Variants in GLT1D1 observed in about 807,000 individuals in gnomAD.
The protein encoded by GLT1D1 is glycosyltransferase 1 domain containing 1.
GLT1D1 carries 21 observed loss-of-function variants against 28.7 expected under a neutral mutation model. The observed-to-expected ratio is 0.73, with a 90% CI of 0.52 to 1.05. The LOEUF is 1.05. GLT1D1 is among the 50% of genes least tolerant of loss of function. The probability of loss-of-function intolerance (pLI) is 0.00; values close to 1 mark genes in which losing one functional copy is unlikely to be tolerated. For missense variants in GLT1D1, 343 were observed against 330.6 expected, an observed-to-expected ratio of 1.04 and a Z score of -0.29; for synonymous variants, 147 against 124.8, an observed-to-expected ratio of 1.18 and a Z score of -1.19.
chr12:128,927,802 C>T (rs1873385725), intron 4 of GLT1D1, among the ~76,000 whole-genome samples: 1 of 150,940 alleles, frequency 6.6e-6, no homozygotes, highest in African/African-American at 2.4e-5. Flanking sequence ...AGTCGGAGAC[C>T]AGCCTGGACA....
intron 6 of GLT1D1, among the ~76,000 whole-genome samples, chr12:128,953,468 C>A (rs12422342): frequency 0.45 from 68,435 of 152,074 alleles, 16,614 homozygotes; most frequent in Non-Finnish European, 0.54. Flanking sequence ...TGAGCCACTG[C>A]ACCTCGTTGA....
intron 6 of GLT1D1, among the ~76,000 whole-genome samples, chr12:128,948,659 A>G (rs1876376201): frequency 1.3e-5 from 2 of 152,210 alleles, no homozygotes; most frequent in South Asian, 4.1e-4. Context: ...CTGTTACTTT[A>G]TCATAAGTCT....
intron 4 of GLT1D1, chr12:128,930,295 T>G (rs1873723970): frequency 6.6e-6 from 1 of 152,262 alleles, no homozygotes; most frequent in Non-Finnish European, 1.5e-5. Context: ...AGAGAAGGCC[T>G]CAGACTGGGA....
chr12:128,953,489 T>C (rs67165740), intron 6 of GLT1D1, among the ~76,000 whole-genome samples: 18,648 of 152,142 alleles, frequency 0.12, 1,339 homozygotes, highest in South Asian at 0.18. Flanking sequence ...AAGTTTTTAC[T>C]TTTGAGGAAG....
chr12:128,879,966 A>G (rs2135807870), intron 2 of GLT1D1, among the ~76,000 whole-genome samples: 1 of 152,368 alleles, frequency 6.6e-6, no homozygotes, highest in South Asian at 2.1e-4. Context: ...TATTCCAAGC[A>G]AGGCTGAAGT....
Position 128,893,996 on chromosome 12 carries a change from C to CT in GLT1D1, c.324-5234dup, listed in dbSNP as rs375601829. 2.8e-3 allele frequency among the ~76,000 whole-genome samples: 424 copies of CT among 152,296 alleles called. 1 individual carries two copies. The highest frequency in any genetic ancestry group is 4.0e-3 in the Non-Finnish European group (272 of 68,022). ...AATTGTTATTTAGCTACTTTTCTTT[C>CT]TTTTTTATCTTATTTTCACAGGATA... is the stretch of plus-strand genomic sequence containing the variant. On this transcript the variant is annotated intron_variant, in intron 3 of 7. Coordinates refer to ENST00000281703, the MANE Select transcript of GLT1D1 (RefSeq NM_144669.3).
At chr12:128,968,006 G>GT (rs901398248) in intron 7 of GLT1D1, among the ~76,000 whole-genome samples, 21 of 151,996 alleles carry the variant, frequency 1.4e-4, no homozygotes, top group South Asian at 2.1e-4. Context: ...GTTTTGCTTT[G>GT]TTTTTTTTGA....
intron 2 of GLT1D1, among the ~76,000 whole-genome samples, chr12:128,883,102 T>G (rs1031625667): frequency 1.4e-4 from 21 of 151,240 alleles, no homozygotes; most frequent in African/African-American, 5.1e-4. Context: ...AATTTTTGTA[T>G]TTTTAGTGGA....
At chr12:128,943,245 T>A (rs535125783) in intron 4 of GLT1D1, among the ~76,000 whole-genome samples, 1 of 152,366 alleles carries the variant, frequency 6.6e-6, no homozygotes, top group Non-Finnish European at 1.5e-5. Flanking sequence ...TAATTATGAT[T>A]GATTGCTATT....
At chr12:128,895,382 T>A (rs895278459) in intron 3 of GLT1D1, among the ~76,000 whole-genome samples, 2 of 151,998 alleles carry the variant, frequency 1.3e-5, no homozygotes, top group African/African-American at 4.8e-5. Context: ...GGCATCCGAA[T>A]GGAGGTATGA....
In GLT1D1 at chr12:128,853,529, G is replaced by A; in HGVS notation, c.-53G>A. 2 of 1,026,088 alleles carry A rather than the reference G, an allele frequency of 1.9e-6. No individual in the cohort carries two copies. The highest frequency in any genetic ancestry group is 1.2e-6 in the Non-Finnish European group (1 of 860,266). The allele number at this position is 1,026,088 out of a possible 1,614,324, so 63.6% of individuals were successfully genotyped here. ...GCCGTCCGCGTCTGCGCCGGCCCCGGGGCCTGGTCGGCGGCGGCGGGGCCG... is the reference window on the plus strand; with the variant it reads ...GCCGTCCGCGTCTGCGCCGGCCCCGAGGCCTGGTCGGCGGCGGCGGGGCCG... On this transcript the variant is annotated 5_prime_UTR_variant, in exon 1 of 8. Coordinates refer to ENST00000281703, the MANE Select transcript of GLT1D1 (RefSeq NM_144669.3).
At chr12:128,948,163 G>A (rs768201105) in intron 6 of GLT1D1, among the ~76,000 whole-genome samples, 2 of 152,070 alleles carry the variant, frequency 1.3e-5, no homozygotes, top group Non-Finnish European at 2.9e-5. Flanking sequence ...GGCAATCCTC[G>A]CATTCCCTTT....
chr12:128,973,444 C>T (rs973519238), intron 7 of GLT1D1, among the ~76,000 whole-genome samples: 1 of 151,252 alleles, frequency 6.6e-6, no homozygotes, highest in African/African-American at 2.4e-5. Flanking sequence ...CCACCCACCT[C>T]GGCCTCCCAG....
intron 4 of GLT1D1, among the ~76,000 whole-genome samples, chr12:128,925,028 AAATT>A (rs1873048728): frequency 6.9e-6 from 1 of 145,554 alleles, no homozygotes; most frequent in African/African-American, 2.4e-5. Context: ...CTTCATAAAT[AAATT>A]GTTTTTTGTT....
intron 7 of GLT1D1, among the ~76,000 whole-genome samples, chr12:128,973,822 A>G (rs1879476184): frequency 1.3e-5 from 2 of 151,906 alleles, no homozygotes; most frequent in Admixed American, 1.3e-4. Flanking sequence ...TGAGAAGCAC[A>G]GAAAATATTC....
chr12:128,951,325 C>G (rs969680499), intron 6 of GLT1D1, among the ~76,000 whole-genome samples: 1 of 152,244 alleles, frequency 6.6e-6, no homozygotes, highest in Middle Eastern at 3.4e-3. Context: ...ATTGCTGGAA[C>G]CTGGTAGGCG....
At chr12:128,879,048 A>G (rs1247556107) in intron 2 of GLT1D1, among the ~76,000 whole-genome samples, 1 of 152,220 alleles carries the variant, frequency 6.6e-6, no homozygotes, top group Non-Finnish European at 1.5e-5. Context: ...GAACCTTTGT[A>G]AGGTTGTCAC....
chr12:128,947,249 T>C (rs1876222102), intron 5 of GLT1D1, 89 bp from the exon 10 acceptor site: 14 of 1,479,368 alleles, frequency 9.5e-6, no homozygotes, highest in Admixed American at 1.7e-5. Flanking sequence ...ATCTAGAGTA[T>C]TACACCCAAA....
chr12:128,893,587 T>C (rs1869307463), intron 3 of GLT1D1, among the ~76,000 whole-genome samples: 1 of 152,090 alleles, frequency 6.6e-6, no homozygotes, highest in Non-Finnish European at 1.5e-5. Context: ...TTAATTGAAT[T>C]TTATTGTTTT....
Sources: allele counts gnomAD v4.1 joint callset (sites outside exome capture counted in the v4.1 genomes callset), GRCh38; gene constraint gnomAD v4.1.1; transcripts MANE v1.5; gene names NCBI Gene and HGNC (gene_info 2026-07-23, HGNC 2026-07-21).